RHBDL3: variants seen among roughly 807,000 people sequenced by gnomAD.
The protein encoded by RHBDL3 is rhomboid-related protein 3.
Under a neutral mutation model 48.2 loss-of-function variants are expected in RHBDL3, and 28 were observed. The ratio of observed to expected loss-of-function variants is 0.58; its 90% CI spans 0.43 to 0.80. The LOEUF (loss-of-function observed/expected upper bound fraction) is 0.80, where lower values mean the gene tolerates loss of function less well. RHBDL3 is among the 30% of genes least tolerant of loss of function. RHBDL3 has a pLI of 0.00. For synonymous variants in RHBDL3, 208 were observed against 232.3 expected (o/e 0.90, Z 0.95); for missense variants, 464 against 542.7 (o/e 0.85, Z 1.44).
At chr17:32,274,996 TG>T (rs140758696) in intron 2 of RHBDL3, among the ~76,000 whole-genome samples, 19,305 of 152,076 alleles carry the variant, frequency 0.13, 1,447 homozygotes, top group Non-Finnish European at 0.16. Context: ...CCCTTTATCC[TG>T]CCTGCCATGC....
chr17:32,295,896 A>G (rs548727954), intron 5 of RHBDL3, among the ~76,000 whole-genome samples: 2 of 152,318 alleles, frequency 1.3e-5, no homozygotes, highest in South Asian at 4.1e-4. Flanking sequence ...ATGTAGTCAC[A>G]GGTAGTATAG....
intron 2 of RHBDL3, among the ~76,000 whole-genome samples, chr17:32,277,258 G>C (rs1230161446): frequency 6.6e-6 from 1 of 152,254 alleles, no homozygotes; most frequent in African/African-American, 2.4e-5. Flanking sequence ...TCCTGGGAGA[G>C]AGAATTCAAG....
intron 2 of RHBDL3, among the ~76,000 whole-genome samples, chr17:32,269,665 G>A (rs760143844): frequency 1.1e-4 from 17 of 152,218 alleles, no homozygotes; most frequent in African/African-American, 1.7e-4. Flanking sequence ...AGCCCGCTGC[G>A]CCACTGCCAC....
chr17:32,295,361 C>T (rs1235466024), intron 5 of RHBDL3, among the ~76,000 whole-genome samples: 5 of 152,182 alleles, frequency 3.3e-5, no homozygotes, highest in African/African-American at 4.8e-5. Context: ...AGGGTGCTTT[C>T]GGGTGAAGAG....
intron 7 of RHBDL3, among the ~76,000 whole-genome samples, chr17:32,307,976 G>A (rs894723101): frequency 3.9e-5 from 6 of 152,204 alleles, no homozygotes; most frequent in Middle Eastern, 3.4e-3. Context: ...GAAGAAGCAC[G>A]CTGGCATTCA....
At chr17:32,303,649 T>G (rs1424536813) in intron 6 of RHBDL3, among the ~76,000 whole-genome samples, 1 of 152,006 alleles carries the variant, frequency 6.6e-6, no homozygotes, top group Non-Finnish European at 1.5e-5. Context: ...GTTTTTTTTG[T>G]TTTTGTTTTT....
intron 6 of RHBDL3, 75 bp downstream of exon 6, chr17:32,298,279 A>C: frequency 3.2e-6 from 3 of 946,182 alleles, no homozygotes; most frequent in Non-Finnish European, 5.0e-6. Context: ...GGGCGGGGCA[A>C]GCCCCAGGTT....
chr17:32,310,663 A>C (rs973222667), intron 7 of RHBDL3, among the ~76,000 whole-genome samples: 13 of 151,954 alleles, frequency 8.6e-5, no homozygotes, highest in Non-Finnish European at 2.9e-5. Flanking sequence ...CAGTGAGCCA[A>C]GATCGTGCCA....
intron 2 of RHBDL3, among the ~76,000 whole-genome samples, chr17:32,278,570 C>A (rs1398017496): frequency 6.6e-6 from 1 of 152,170 alleles, no homozygotes; most frequent in East Asian, 1.9e-4. Context: ...GGATGAGGGT[C>A]TCTCAAACTC....
At chr17:32,315,613 G>A (rs536770098) in intron 7 of RHBDL3, among the ~76,000 whole-genome samples, 27 of 151,858 alleles carry the variant, frequency 1.8e-4, no homozygotes, top group Non-Finnish European at 1.3e-4. Flanking sequence ...CCTGCAAGAC[G>A]GACCATTCTA....
At chr17:32,274,288 T>C (rs2039844008) in intron 2 of RHBDL3, among the ~76,000 whole-genome samples, 1 of 152,146 alleles carries the variant, frequency 6.6e-6, no homozygotes, top group South Asian at 2.1e-4. Context: ...GATCTGGCAA[T>C]TCCTGCTGGA....
chr17:32,287,790 G>T (rs2150713574), intron 3 of RHBDL3, among the ~76,000 whole-genome samples: 1 of 152,300 alleles, frequency 6.6e-6, no homozygotes, highest in Middle Eastern at 3.4e-3. Context: ...GCTGAGGTGT[G>T]GGCTTGGGAG....
At chr17:32,297,696 C>T (rs930235409) in intron 5 of RHBDL3, among the ~76,000 whole-genome samples, 2 of 116,170 alleles carry the variant, frequency 1.7e-5, no homozygotes, top group Admixed American at 1.1e-4. Context: ...GATGGTATCT[C>T]ACTATGTTGC....
chr17:32,315,524 C>A (rs1295488968), intron 7 of RHBDL3, among the ~76,000 whole-genome samples: 1 of 152,138 alleles, frequency 6.6e-6, no homozygotes, highest in Admixed American at 6.5e-5. Flanking sequence ...TGGCCCACCC[C>A]CTCTCCAGTA....
At chr17:32,319,598 C>T (rs1431715934) in intron 8 of RHBDL3, among the ~76,000 whole-genome samples, 1 of 152,012 alleles carries the variant, frequency 6.6e-6, no homozygotes, top group Admixed American at 6.6e-5. Flanking sequence ...AGGGTCAGTC[C>T]CTGGATGCGC....
chr17:32,289,625 C>A (rs2040279650), intron 4 of RHBDL3, among the ~76,000 whole-genome samples: 1 of 152,212 alleles, frequency 6.6e-6, no homozygotes, highest in African/African-American at 2.4e-5. Context: ...TCCTCTGTGC[C>A]TATTGTTATG....
intron 2 of RHBDL3, among the ~76,000 whole-genome samples, chr17:32,283,138 C>T (rs2040098524): frequency 6.6e-6 from 1 of 152,086 alleles, no homozygotes; most frequent in African/African-American, 2.4e-5. Context: ...ACAGCTGCAT[C>T]TCCAGGATGC....
At chr17:32,269,478 T>A (rs185405583) in intron 2 of RHBDL3, among the ~76,000 whole-genome samples, 2 of 152,234 alleles carry the variant, frequency 1.3e-5, no homozygotes, top group African/African-American at 4.8e-5. Context: ...GACACGGAAT[T>A]GCAGCGCGAA....
At position 32,288,845 on chromosome 17, in the gene RHBDL3, C is replaced by T. The variant is rs896484556; in HGVS notation, c.348C>T (p.Arg116=). ...GCCAAGCCATCCTGCAGGGCAACCG[C>T]AGGCTAAGCAGCAAGGCCCTGCTGG... is the stretch of plus-strand genomic sequence containing the variant. ...SFRQAILQGN[R]RLSSKALLEE... Residue 116 remains arginine, a synonymous_variant, in exon 4 of 9, where the codon CGC becomes CGT. Transcript: ENST00000269051. 8 of 1,614,074 alleles carry T rather than the reference C, an allele frequency of 5.0e-6. No homozygotes were observed. Among genetic ancestry groups the T allele is most frequent in the Non-Finnish European group, 6.8e-6 (8 of 1,179,996 alleles).
Sources: gnomAD v4.1 joint callset for allele counts (sites outside exome capture counted in the v4.1 genomes callset) on GRCh38, gnomAD v4.1.1 for gene constraint, MANE v1.5 for transcripts, NCBI Gene and HGNC (gene_info 2026-07-23, HGNC 2026-07-21) for gene names.